The following FAM120A variants were observed in gnomAD, a reference collection of about 807,000 sequenced individuals.
FAM120A encodes the protein family with sequence similarity 120 member A, also known as constitutive coactivator of PPAR-gamma-like protein 1.
In FAM120A, 15 loss-of-function variants were observed where a neutral mutation model predicts 109.7. That is an observed-to-expected ratio of 0.14 (90% confidence interval 0.09 to 0.21). FAM120A has a LOEUF of 0.21. Among genes scored for constraint, FAM120A ranks in the 10% least tolerant of loss-of-function variants. The pLI, the probability that FAM120A is intolerant of heterozygous loss-of-function variation, is 1.00. For synonymous variants in FAM120A, 493 were observed against 572.8 expected, an observed-to-expected ratio of 0.86 and a Z score of 1.99; for missense variants, 899 against 1,439.3, an observed-to-expected ratio of 0.62 and a Z score of 6.07.
intron 4 of FAM120A, 115 bp downstream of exon 4, chr9:93,497,714 C>T (rs1859634101): frequency 1.6e-6 from 2 of 1,276,370 alleles, no homozygotes; most frequent in Admixed American, 2.9e-5. Flanking sequence ...CTGGATGGGT[C>T]TGAGAGCTCT....
intron 12 of FAM120A, among the ~76,000 whole-genome samples, chr9:93,552,184 A>G (rs914699116): frequency 3.9e-5 from 6 of 152,210 alleles, no homozygotes; most frequent in African/African-American, 1.4e-4. Context: ...AGCCTTATTC[A>G]CCATCAAGTT....
chr9:93,526,488 TCTC>T (rs918236854), intron 7 of FAM120A, among the ~76,000 whole-genome samples: 5 of 152,098 alleles, frequency 3.3e-5, no homozygotes, highest in Non-Finnish European at 7.4e-5. Flanking sequence ...TCTTTGATCT[TCTC>T]ATCTCTTTTT....
At position 93,508,517 on chromosome 9, in the gene FAM120A, T is replaced by C. The variant is rs1429140771; in HGVS notation, c.1031-7150T>C. 2.6e-5 allele frequency among the ~76,000 whole-genome samples: 4 copies of C among 152,196 alleles called. No individual in the cohort carries two copies. The East Asian group carries it at 7.7e-4, about 29-fold the overall frequency. ...GATGCAGACCTAGGAGACAGCAGGC[T>C]GAGTGGCCTGGGGTGGGCACTGCTA... On this transcript the variant is annotated intron_variant, in intron 5 of 17. Coordinates refer to ENST00000277165, the MANE Select transcript of FAM120A (RefSeq NM_014612.5).
At chr9:93,497,354 G>C in intron 3 of FAM120A, 117 bp from the exon 4 acceptor site, 1 of 1,279,900 alleles carries the variant, frequency 7.8e-7, no homozygotes, top group Non-Finnish European at 1.1e-6. Flanking sequence ...GACAATCATT[G>C]GGCACTGATA....
chr9:93,507,113 G>A lies in FAM120A; in HGVS notation c.1030+8227G>A, dbSNP rs564087777. The stretch of plus-strand genomic sequence containing the variant: ...TGCTTGGGCCTCAGTGTGCAGAGGG[G>A]ATCAGAGTGGGCAAGGGCAGGTATA... On this transcript the variant is annotated intron_variant, in intron 5 of 17. Coordinates refer to ENST00000277165, the MANE Select transcript of FAM120A (RefSeq NM_014612.5). Among the ~76,000 whole-genome samples, 13 of 152,300 alleles carry A rather than the reference G, an allele frequency of 8.5e-5. No homozygotes were observed. In the East Asian group the frequency reaches 1.9e-3, roughly 23 times the overall value.
chr9:93,543,962 G>A lies in FAM120A; in HGVS notation c.2159+491G>A, dbSNP rs567861479. Among the ~76,000 whole-genome samples the A allele has an allele frequency of 2.0e-5, 3 of 152,270 alleles. No homozygotes were observed. The South Asian group carries it at 6.2e-4, about 32-fold the overall frequency. ...ATCATAGAGTATATACAAACACGGC[G>A]AGTATTTGTGTATCTAAATGTGAAA... is the stretch of plus-strand genomic sequence containing the variant. On this transcript the variant is annotated intron_variant, in intron 11 of 17. Transcript: ENST00000277165.
chr9:93,550,615 G>A lies in FAM120A; in HGVS notation c.2198G>A (p.Arg733His), dbSNP rs756029649. 31 of 1,613,792 alleles carry A rather than the reference G, an allele frequency of 1.9e-5. No individual in the cohort carries two copies. Among genetic ancestry groups the A allele is most frequent in the Non-Finnish European group, 2.5e-5 (30 of 1,180,020 alleles). ...TGGCCGGGAGCACGCATCCTTCGGC[G>A]TCAGGAGCTAGATGCCTTCCTGGCT... ...VQWPGARILR[R>H]QELDAFLAQA... Residue 733 changes from arginine to histidine, a missense_variant, in exon 12 of 18, where the codon CGT (arginine) becomes CAT (histidine). By Grantham distance (29) the Arg-to-His change is conservative. Transcript: ENST00000277165.
rs746573767 is a variant in FAM120A, at chr9:93,556,401, G to A, written c.2294G>A (p.Arg765Gln). Residue 765 changes from arginine (R) to glutamine (Q), a missense_variant, in exon 13 of 18, where the codon CGA (arginine) becomes CAA (glutamine). Arg to Gln is a conservative substitution (Grantham distance 43). Around this residue, in one of 11 missense-constraint regions of FAM120A, gnomAD observed 52 missense variants for 49.7 expected, o/e 1.05. Transcript: ENST00000277165. ...TTAAAGATTGAGAACCTAGATCCCC[G>A]AGGAATTCAGCTATCAGCTCTCTTC... is the stretch of plus-strand genomic sequence containing the variant. ...QELKIENLDP[R>Q]GIQLSALFMS... is the part of the protein sequence containing the mutation. 2 of 1,613,988 alleles carry A rather than the reference G, an allele frequency of 1.2e-6. No homozygotes were observed. Among genetic ancestry groups the A allele is most frequent in the Non-Finnish European group, 1.7e-6 (2 of 1,179,982 alleles).
chr9:93,529,834 A>G, intron 9 of FAM120A: 2 of 567,808 alleles, frequency 3.5e-6, no homozygotes, highest in Non-Finnish European at 6.2e-6. Context: ...TTCTAATGAA[A>G]TAATGCATCA....
chr9:93,458,531 T>C (rs1423372796), intron 1 of FAM120A, among the ~76,000 whole-genome samples: 1 of 152,074 alleles, frequency 6.6e-6, no homozygotes, highest in East Asian at 1.9e-4. Flanking sequence ...ATACTCTTCC[T>C]TTTTTCCAGT....
intron 7 of FAM120A, among the ~76,000 whole-genome samples, chr9:93,520,673 G>GGT (rs1466681061): frequency 6.6e-6 from 1 of 152,206 alleles, no homozygotes; most frequent in East Asian, 1.9e-4. Context: ...TAGGAAGGTG[G>GGT]GTGTGTGGTG....
At chr9:93,543,841 C>T (rs1434464192) in intron 11 of FAM120A, among the ~76,000 whole-genome samples, 1 of 152,016 alleles carries the variant, frequency 6.6e-6, no homozygotes, top group Non-Finnish European at 1.5e-5. Context: ...CTTCTTCCCC[C>T]TTCATTTATT....
rs775270595 is a variant in FAM120A, at chr9:93,516,083, A to T, written c.1232A>T (p.Asn411Ile). Residue 411 changes from asparagine (N) to isoleucine (I), a missense_variant, in exon 7 of 18, where the codon AAT becomes ATT. By Grantham distance (149) the Asn-to-Ile change is moderately radical. Coordinates refer to ENST00000277165, the MANE Select transcript of FAM120A (RefSeq NM_014612.5). ...CTCACTTTGGACACGAGCGGGAAGA[A>T]TCTGACGGAGCAGAACAGCTACAGC... is the stretch of plus-strand genomic sequence containing the variant. ...APLTLDTSGK[N>I]LTEQNSYSNI... 1.2e-5 allele frequency: 20 copies of T among 1,612,032 alleles called. No homozygotes were observed. The highest frequency in any genetic ancestry group is 8.5e-6 in the Non-Finnish European group (10 of 1,179,378).
intron 5 of FAM120A, among the ~76,000 whole-genome samples, chr9:93,512,704 A>C (rs1180388638): frequency 6.6e-6 from 1 of 152,202 alleles, no homozygotes; most frequent in Admixed American, 6.5e-5. Flanking sequence ...GGGCATGGAG[A>C]ACAAGAACCG....
intron 1 of FAM120A, among the ~76,000 whole-genome samples, chr9:93,469,955 G>A (rs551174839): frequency 3.9e-5 from 6 of 152,270 alleles, no homozygotes; most frequent in Admixed American, 1.3e-4. Context: ...ATTTTCTGAC[G>A]TAGTGAGAAT....
intron 7 of FAM120A, 96 bp downstream of exon 7, chr9:93,516,365 G>A (rs1201841029): frequency 1.3e-6 from 2 of 1,552,138 alleles, no homozygotes; most frequent in Admixed American, 1.8e-5. Flanking sequence ...TTTGCTCAGA[G>A]ATGTAGTTTA....
chr9:93,528,012 A>AT (rs1245042106), intron 8 of FAM120A, among the ~76,000 whole-genome samples: 1 of 152,178 alleles, frequency 6.6e-6, no homozygotes, highest in Non-Finnish European at 1.5e-5. Flanking sequence ...GCCACATGTG[A>AT]TTACCAAGAA....
At chr9:93,487,203 C>T (rs996566111) in intron 3 of FAM120A, among the ~76,000 whole-genome samples, 2 of 152,072 alleles carry the variant, frequency 1.3e-5, no homozygotes, top group Non-Finnish European at 2.9e-5. Flanking sequence ...GCTCTGTCGC[C>T]CAGGCTGGAG....
At chr9:93,511,132 C>G (rs537260229) in intron 5 of FAM120A, among the ~76,000 whole-genome samples, 26 of 152,020 alleles carry the variant, frequency 1.7e-4, no homozygotes, top group African/African-American at 5.6e-4. Flanking sequence ...TTAATTTTTC[C>G]CGCTGTTCCG....
Sources: allele counts gnomAD v4.1 joint callset (sites outside exome capture counted in the v4.1 genomes callset), GRCh38; gene constraint gnomAD v4.1.1; regional missense constraint gnomAD v4.1.1; transcripts MANE v1.5; gene names NCBI Gene and HGNC (gene_info 2026-07-23, HGNC 2026-07-21).